CUX2: variants seen among roughly 807,000 people sequenced by gnomAD.
CUX2 encodes the protein homeobox protein cut-like 2.
In CUX2, 40 loss-of-function variants were observed where a neutral mutation model predicts 144.8. That is an observed-to-expected ratio of 0.28 (90% confidence interval 0.21 to 0.36). The LOEUF (loss-of-function observed/expected upper bound fraction) is 0.36. Among genes scored for constraint, CUX2 ranks in the 10% least tolerant of loss-of-function variants. The pLI, the probability that CUX2 is intolerant of heterozygous loss-of-function variation, is 1.00. For synonymous variants in CUX2, 827 were observed against 875.6 expected (o/e 0.94, Z 0.98); for missense variants, 1,615 against 1,994.0 (o/e 0.81, Z 3.62).
chr12:111,100,165 G>A (rs1325772228), intron 1 of CUX2: 1 of 425,914 alleles, frequency 2.3e-6, no homozygotes. Flanking sequence ...GGGGATGTGA[G>A]AGCAGGAGCC....
At chr12:111,239,885 G>C (rs1460980943) in intron 3 of CUX2, among the ~76,000 whole-genome samples, 1 of 152,110 alleles carries the variant, frequency 6.6e-6, no homozygotes, top group African/African-American at 2.4e-5. Flanking sequence ...CCTGCACCTG[G>C]AGCATTATCC....
In CUX2 at chr12:111,057,107, GA is replaced by G. The variant is rs1278251157; in HGVS notation, c.63+22868del. ...AAGTGGCCAAGTAGGGAGTGAGTGT[GA>G]CAGAAAATGGCCAAGCTGCAATGGT... is the stretch of plus-strand genomic sequence containing the variant. On this transcript the variant is annotated intron_variant, in intron 1 of 21. Coordinates refer to ENST00000261726, the MANE Select transcript of CUX2 (RefSeq NM_015267.4). This position sits in a 1 kb window ranked among gnomAD's most constrained non-coding sequence, Gnocchi z 5.1. Among the ~76,000 whole-genome samples the G allele has an allele frequency of 6.6e-6, 1 of 152,034 alleles. No individual in the cohort carries two copies. Among genetic ancestry groups the G allele is most frequent in the Non-Finnish European group, 1.5e-5 (1 of 68,002 alleles).
chr12:111,182,110 CG>C (rs1566278215), intron 1 of CUX2, among the ~76,000 whole-genome samples: 1 of 151,916 alleles, frequency 6.6e-6, no homozygotes, highest in African/African-American at 2.4e-5. Context: ...AGGGCAGGGT[CG>C]GGGGATAAAA....
At chr12:111,132,024 G>T (rs1443205904) in intron 1 of CUX2, among the ~76,000 whole-genome samples, 1 of 152,182 alleles carries the variant, frequency 6.6e-6, no homozygotes, top group Non-Finnish European at 1.5e-5. Context: ...TTTCCCTTTT[G>T]TACTGCCCTA....
At position 111,255,990 on chromosome 12, in the gene CUX2, C is replaced by T. The variant is rs532121328; in HGVS notation, c.223-7771C>T. On this transcript the variant is annotated intron_variant, in intron 3 of 21. Transcript: ENST00000261726. The surrounding 1 kb of genome is among the most constrained non-coding windows in gnomAD (Gnocchi z 4.1). ...AGCCTCACAGATACAGGGGCATGTA[C>T]TTGGATGCCTCCCCTGGTGGGGAGC... Among the ~76,000 whole-genome samples the T allele has an allele frequency of 2.0e-5, 3 of 152,098 alleles. No homozygotes were observed. The highest frequency in any genetic ancestry group is 2.0e-4 in the Admixed American group (3 of 15,278).
At chr12:111,138,141 G>A (rs1305370491) in intron 1 of CUX2, among the ~76,000 whole-genome samples, 1 of 152,226 alleles carries the variant, frequency 6.6e-6, no homozygotes, top group African/African-American at 2.4e-5. Flanking sequence ...GCCGAGGGGA[G>A]GGGCTTGGCA....
chr12:111,120,782 T>C lies in CUX2; in HGVS notation c.63+86542T>C, dbSNP rs570336933. On this transcript the variant is annotated intron_variant, in intron 1 of 21. Transcript: ENST00000261726. ...AAATATGTCGGGGTCCACTTTGATTTGCAATTTGAGATAAATGCGGGAAAC... is the reference window on the plus strand; with the variant it reads ...AAATATGTCGGGGTCCACTTTGATTCGCAATTTGAGATAAATGCGGGAAAC... Among the ~76,000 whole-genome samples the C allele has an allele frequency of 2.0e-5, 3 of 152,250 alleles. No homozygotes were observed. In the South Asian group the frequency reaches 6.2e-4, roughly 32 times the overall value.
intron 4 of CUX2, among the ~76,000 whole-genome samples, chr12:111,272,554 T>G (rs1884685003): frequency 6.6e-6 from 1 of 152,138 alleles, no homozygotes; most frequent in South Asian, 2.1e-4. Flanking sequence ...AACCTCCGCC[T>G]CTAGGGTTCA....
intron 1 of CUX2, among the ~76,000 whole-genome samples, chr12:111,071,107 A>C (rs1242646701): frequency 6.8e-6 from 1 of 146,666 alleles, no homozygotes; most frequent in Admixed American, 6.8e-5. Flanking sequence ...TTTTGTGGAC[A>C]TAAGTTTTCA....
At chr12:111,188,753 C>T (rs1879705550) in intron 1 of CUX2, among the ~76,000 whole-genome samples, 2 of 152,102 alleles carry the variant, frequency 1.3e-5, no homozygotes, top group Non-Finnish European at 2.9e-5. Context: ...CCCCTCTTGT[C>T]ACGGCAGGTT....
intron 1 of CUX2, among the ~76,000 whole-genome samples, chr12:111,176,241 C>T (rs117673069): frequency 0.021 from 3,125 of 151,506 alleles, 52 homozygotes; most frequent in Non-Finnish European, 0.035. Flanking sequence ...GAAACAGGGT[C>T]TCACTATATT....
Position 111,348,213 on chromosome 12 carries a change from A to G in CUX2, c.4349A>G (p.Lys1450Arg). The stretch of plus-strand genomic sequence containing the variant: ...GCTGGAGCCTTGCACCCCAGTGCCA[A>G]GGTGAACCCCAACTTGCAGCGGCGG... ...DMAGALHPSA[K>R]VNPNLQRRHE... The change falls in exon 22 of 22, where the codon AAG becomes AGG. Residue 1450 changes from lysine (K) to arginine (R), a missense_variant. By Grantham distance (26) the Lys-to-Arg change is conservative. This residue lies in a region of CUX2 where 298 missense variants were observed against 330.4 expected (regional missense o/e 0.90). Transcript: ENST00000261726. 4 of 1,614,060 alleles carry G rather than the reference A, an allele frequency of 2.5e-6. No homozygotes were observed. The highest frequency in any genetic ancestry group is 1.7e-5 in the Admixed American group (1 of 60,018).
At chr12:111,108,813 T>C (rs1873766720) in intron 1 of CUX2, among the ~76,000 whole-genome samples, 1 of 152,160 alleles carries the variant, frequency 6.6e-6, no homozygotes, top group Non-Finnish European at 1.5e-5. Flanking sequence ...GGCTGTCCTG[T>C]AGAGCTTCTG....
intron 1 of CUX2, among the ~76,000 whole-genome samples, chr12:111,185,653 G>C (rs970510094): frequency 1.3e-5 from 2 of 152,166 alleles, no homozygotes; most frequent in Non-Finnish European, 2.9e-5. Context: ...CCTGAGCCCC[G>C]AGGGGACCCC....
At chr12:111,177,440 G>A (rs1592806414) in intron 1 of CUX2, among the ~76,000 whole-genome samples, 1 of 152,192 alleles carries the variant, frequency 6.6e-6, no homozygotes, top group East Asian at 1.9e-4. Context: ...ACCCAGGCTG[G>A]AGTACACTGG....
chr12:111,230,893 T>C (rs763546195), intron 3 of CUX2, among the ~76,000 whole-genome samples: 37 of 152,178 alleles, frequency 2.4e-4, no homozygotes, highest in Non-Finnish European at 4.6e-4. Context: ...TGGGAAGAGA[T>C]GTGCAGAACA....
chr12:111,086,850 C>G (rs1449184199), intron 1 of CUX2, among the ~76,000 whole-genome samples: 2 of 151,814 alleles, frequency 1.3e-5, no homozygotes, highest in East Asian at 3.9e-4. Context: ...GAGGATCACT[C>G]GAGCCTAGGA....
chr12:111,285,282 C>G (rs1026815910), intron 4 of CUX2, among the ~76,000 whole-genome samples: 1 of 152,130 alleles, frequency 6.6e-6, no homozygotes, highest in Non-Finnish European at 1.5e-5. Context: ...AATGGTGAGA[C>G]CACCTGGGTC....
At chr12:111,247,432 C>T (rs988021662) in intron 3 of CUX2, among the ~76,000 whole-genome samples, 3 of 152,258 alleles carry the variant, frequency 2.0e-5, no homozygotes, top group Admixed American at 6.5e-5. Context: ...TAGCTCCGCT[C>T]TTCTGAGCTG....
Sources: gnomAD v4.1 joint callset for allele counts (sites outside exome capture counted in the v4.1 genomes callset) on GRCh38, gnomAD v4.1.1 for gene constraint, gnomAD v4.1.1 regional missense constraint, Gnocchi (gnomAD v3.1) non-coding constraint, MANE v1.5 for transcripts, NCBI Gene and HGNC (gene_info 2026-07-23, HGNC 2026-07-21) for gene names.